Variants in PCLO observed in about 807,000 individuals in gnomAD.
PCLO encodes the protein piccolo presynaptic cytomatrix protein.
PCLO carries 82 observed loss-of-function variants against 427.5 expected under a neutral mutation model. The ratio of observed to expected loss-of-function variants is 0.19; its 90% CI spans 0.16 to 0.23. PCLO has a LOEUF of 0.23. PCLO is among the 10% of genes least tolerant of loss of function. The pLI is 1.00. For synonymous variants in PCLO, 2,357 were observed against 2,155.4 expected (o/e 1.09, Z -2.59); for missense variants, 6,239 against 6,115.9 (o/e 1.02, Z -0.67).
chr7:82,957,060 CTCAG>C, intron 4 of PCLO, 125 bp from the exon 5 acceptor site: 1 of 1,030,980 alleles, frequency 9.7e-7, no homozygotes, highest in Non-Finnish European at 1.3e-6. Flanking sequence ...TCAACCATAT[CTCAG>C]TATTTTTTAA....
intron 3 of PCLO, among the ~76,000 whole-genome samples, chr7:83,130,404 T>C (rs1791541757): frequency 6.6e-6 from 1 of 152,184 alleles, no homozygotes; most frequent in African/African-American, 2.4e-5. Context: ...CTCAAACTCC[T>C]GACCTCAAGT....
chr7:83,085,805 TA>T (rs145826181), intron 3 of PCLO, among the ~76,000 whole-genome samples: 3,619 of 152,280 alleles, frequency 0.024, 147 homozygotes, highest in African/African-American at 0.082. Flanking sequence ...TTTTGTATGC[TA>T]TTTTTTTATT....
chr7:82,822,800 T>TA (rs1419977678), intron 19 of PCLO, 111 bp from the exon 20 acceptor site: 14 of 857,142 alleles, frequency 1.6e-5, no homozygotes, highest in Non-Finnish European at 2.6e-5. Context: ...TTCTGAGTCT[T>TA]ATATGATTCA....
chr7:83,097,106 TTA>T (rs1442369083), intron 3 of PCLO, among the ~76,000 whole-genome samples: 3 of 77,636 alleles, frequency 3.9e-5, no homozygotes, highest in African/African-American at 1.6e-4. Context: ...TGAATATATA[TTA>T]TATATTATAT....
At chr7:82,869,806 G>A (rs1417356897) in intron 10 of PCLO, among the ~76,000 whole-genome samples, 1 of 151,920 alleles carries the variant, frequency 6.6e-6, no homozygotes, top group Non-Finnish European at 1.5e-5. Context: ...AACAGCTACA[G>A]TATAATGAAA....
intron 9 of PCLO, among the ~76,000 whole-genome samples, chr7:82,893,137 G>A (rs1283550960): frequency 2.6e-5 from 4 of 151,924 alleles, no homozygotes; most frequent in Non-Finnish European, 2.9e-5. Flanking sequence ...TGGTTATTGC[G>A]GCACTATTCA....
intron 20 of PCLO, among the ~76,000 whole-genome samples, chr7:82,813,361 C>A (rs1487842317): frequency 6.6e-6 from 1 of 151,636 alleles, no homozygotes; most frequent in East Asian, 1.9e-4. Flanking sequence ...TACTTTCTGT[C>A]TATATATAGA....
intron 10 of PCLO, among the ~76,000 whole-genome samples, chr7:82,854,713 T>C (rs1212602578): frequency 6.6e-6 from 1 of 152,174 alleles, no homozygotes; most frequent in East Asian, 1.9e-4. Flanking sequence ...ATAAATGTTA[T>C]ACAGCATGGA....
At chr7:83,145,999 T>C (rs1308876081) in intron 2 of PCLO, among the ~76,000 whole-genome samples, 1 of 152,180 alleles carries the variant, frequency 6.6e-6, no homozygotes, top group African/African-American at 2.4e-5. Context: ...TCTGATTTTC[T>C]TAATCTCTTT....
intron 6 of PCLO, among the ~76,000 whole-genome samples, chr7:82,947,639 T>G (rs2116407698): frequency 6.6e-6 from 1 of 152,256 alleles, no homozygotes. Flanking sequence ...TATTCCATAT[T>G]AAAGAATGCA....
At chr7:82,949,157 A>G (rs1562874746) in intron 6 of PCLO, among the ~76,000 whole-genome samples, 2 of 152,198 alleles carry the variant, frequency 1.3e-5, no homozygotes, top group Non-Finnish European at 2.9e-5. Flanking sequence ...CGATATAAGA[A>G]TAAGACTTTC....
chr7:83,040,839 G>A (rs554817982), intron 3 of PCLO, among the ~76,000 whole-genome samples: 1 of 152,230 alleles, frequency 6.6e-6, no homozygotes, highest in Non-Finnish European at 1.5e-5. Flanking sequence ...CTGGGCCCAA[G>A]AACAATGGCT....
intron 6 of PCLO, among the ~76,000 whole-genome samples, chr7:82,945,629 G>A (rs1002991651): frequency 1.3e-5 from 2 of 152,114 alleles, no homozygotes; most frequent in African/African-American, 4.8e-5. Flanking sequence ...TGTTATGAGA[G>A]CGCTAGCAAA....
intron 10 of PCLO, among the ~76,000 whole-genome samples, chr7:82,876,948 A>G (rs1040367570): frequency 2.6e-5 from 4 of 152,160 alleles, no homozygotes; most frequent in Admixed American, 6.5e-5. Context: ...AAATAACATA[A>G]TTAATCAAAA....
At chr7:82,765,896 G>C (rs201528595) in intron 22 of PCLO, among the ~76,000 whole-genome samples, 1 of 147,712 alleles carries the variant, frequency 6.8e-6, no homozygotes, top group South Asian at 2.2e-4. Flanking sequence ...TTAGCGGGGG[G>C]AGAAAAAAAA....
chr7:83,024,669 A>G (rs915227857), intron 3 of PCLO, among the ~76,000 whole-genome samples: 1 of 152,202 alleles, frequency 6.6e-6, no homozygotes, highest in Non-Finnish European at 1.5e-5. Context: ...AGACAAACAA[A>G]AAGACAGCAG....
At position 83,134,555 on chromosome 7, in the gene PCLO, C is replaced by G. The variant is rs1791664339; in HGVS notation, c.2995G>C (p.Glu999Gln). The change falls in exon 3 of 25, where the codon GAA becomes CAA. Residue 999 changes from glutamate (E) to glutamine (Q), a missense_variant. By Grantham distance (29) the Glu-to-Gln change is conservative. Transcript: ENST00000333891. ...TTTTCAGCTGCTGGGGCTTTTGTTT[C>G]CTTTTTCACAGGTATACTTTTTGCA... ...APAKSIPVKK[E>Q]TKAPAAEKLE... 4 of 1,613,586 alleles carry G rather than the reference C, an allele frequency of 2.5e-6. No individual in the cohort carries two copies. The highest frequency in any genetic ancestry group is 3.4e-6 in the Non-Finnish European group (4 of 1,179,798).
chr7:82,816,150 A>T (rs1052752760), intron 20 of PCLO, among the ~76,000 whole-genome samples: 6 of 152,106 alleles, frequency 3.9e-5, no homozygotes, highest in African/African-American at 1.4e-4. Context: ...CTTCCCCCAG[A>T]TCATGTTGCA....
chr7:82,973,120 T>C (rs1472561292), intron 3 of PCLO, among the ~76,000 whole-genome samples: 3 of 152,022 alleles, frequency 2.0e-5, no homozygotes, highest in Non-Finnish European at 4.4e-5. Context: ...ACACAATCGA[T>C]TGTTCAGACT....
Sources: allele counts gnomAD v4.1 joint callset (sites outside exome capture counted in the v4.1 genomes callset), GRCh38; gene constraint gnomAD v4.1.1; transcripts MANE v1.5; gene names NCBI Gene and HGNC (gene_info 2026-07-23, HGNC 2026-07-21).